The following TNIK variants were observed in gnomAD, a reference collection of about 807,000 sequenced individuals.
TNIK encodes the protein TRAF2 and NCK interacting kinase, also known as TRAF2 and NCK-interacting protein kinase.
Under a neutral mutation model 191.3 loss-of-function variants are expected in TNIK, and 49 were observed. The ratio of observed to expected loss-of-function variants is 0.26; its 90% CI spans 0.20 to 0.32. The LOEUF (loss-of-function observed/expected upper bound fraction) is 0.32. Ranked by LOEUF, TNIK falls within the 10% of genes least tolerant of loss-of-function variation. The pLI is 1.00. For synonymous variants in TNIK, 594 were observed against 600.9 expected (o/e 0.99, Z 0.17); for missense variants, 1,155 against 1,702.3 (o/e 0.68, Z 5.66).
At chr3:171,118,508 T>C (rs1021183944) in intron 18 of TNIK, among the ~76,000 whole-genome samples, 6 of 152,302 alleles carry the variant, frequency 3.9e-5, no homozygotes, top group African/African-American at 1.4e-4. Flanking sequence ...AGAACAAAGC[T>C]GGAGGCATCA....
chr3:171,147,890 G>A (rs1441368036), intron 12 of TNIK, among the ~76,000 whole-genome samples: 1 of 152,144 alleles, frequency 6.6e-6, no homozygotes, highest in East Asian at 1.9e-4. Flanking sequence ...AGAAGCATCT[G>A]TGTGTACAAA....
intron 2 of TNIK, among the ~76,000 whole-genome samples, chr3:171,329,517 G>A (rs1285724823): frequency 6.6e-6 from 1 of 152,092 alleles, no homozygotes; most frequent in African/African-American, 2.4e-5. Flanking sequence ...CATATAAAAT[G>A]AGCATAAAAA....
chr3:171,373,689 G>A (rs946242083), intron 1 of TNIK, among the ~76,000 whole-genome samples: 12 of 152,166 alleles, frequency 7.9e-5, no homozygotes, highest in African/African-American at 2.7e-4. Context: ...TCCCAGCCTT[G>A]TGTTCCATCA....
intron 22 of TNIK, among the ~76,000 whole-genome samples, chr3:171,098,842 T>C (rs16855809): frequency 0.081 from 12,273 of 152,204 alleles, 1,631 homozygotes; most frequent in African/African-American, 0.27. Flanking sequence ...AGGCATGCAA[T>C]CATCACATTG....
intron 2 of TNIK, among the ~76,000 whole-genome samples, chr3:171,277,912 T>C (rs1463452284): frequency 2.6e-5 from 4 of 152,220 alleles, no homozygotes; most frequent in Non-Finnish European, 5.9e-5. Context: ...CACCTGTGGC[T>C]ACTCAACTCA....
intron 2 of TNIK, among the ~76,000 whole-genome samples, chr3:171,297,595 CTT>C (rs1313366388): frequency 6.6e-6 from 1 of 152,266 alleles, no homozygotes; most frequent in East Asian, 1.9e-4. Context: ...ATTGATGTCT[CTT>C]TTATCACTGA....
chr3:171,147,740 C>G (rs952122093), intron 12 of TNIK, among the ~76,000 whole-genome samples: 2 of 152,180 alleles, frequency 1.3e-5, no homozygotes, highest in African/African-American at 4.8e-5. Flanking sequence ...GTAATACTGT[C>G]ATCACCCCCA....
intron 2 of TNIK, among the ~76,000 whole-genome samples, chr3:171,368,011 C>A (rs919466503): frequency 1.3e-5 from 2 of 152,080 alleles, no homozygotes; most frequent in Non-Finnish European, 2.9e-5. Context: ...TGCTAAATAT[C>A]TTCCCTCTCT....
intron 2 of TNIK, among the ~76,000 whole-genome samples, chr3:171,360,278 C>T (rs1339135038): frequency 6.6e-6 from 1 of 152,210 alleles, no homozygotes; most frequent in African/African-American, 2.4e-5. Flanking sequence ...ACATCAACTA[C>T]ACCAAGCAAT....
chr3:171,237,316 A>G (rs1317754884), intron 2 of TNIK, among the ~76,000 whole-genome samples: 1 of 152,194 alleles, frequency 6.6e-6, no homozygotes, highest in African/African-American at 2.4e-5. Context: ...ATTAGGGCCC[A>G]CCAAATCTAA....
At chr3:171,377,332 A>G (rs1577691495) in intron 1 of TNIK, among the ~76,000 whole-genome samples, 1 of 152,050 alleles carries the variant, frequency 6.6e-6, no homozygotes, top group Non-Finnish European at 1.5e-5. Flanking sequence ...GCTTAGTTTC[A>G]CCTGCTAATG....
intron 18 of TNIK, among the ~76,000 whole-genome samples, chr3:171,121,122 A>C (rs1205551153): frequency 6.6e-6 from 1 of 152,204 alleles, no homozygotes; most frequent in Non-Finnish European, 1.5e-5. Flanking sequence ...GAATCACTTC[A>C]AAGAAAAGAC....
At chr3:171,127,894 A>G (rs562933611) in intron 16 of TNIK, among the ~76,000 whole-genome samples, 1 of 152,350 alleles carries the variant, frequency 6.6e-6, no homozygotes, top group Non-Finnish European at 1.5e-5. Context: ...ACACAGGTGG[A>G]TGCCTGGAAG....
At chr3:171,267,633 T>C (rs16856078) in intron 2 of TNIK, among the ~76,000 whole-genome samples, 6,168 of 152,296 alleles carry the variant, frequency 0.041, 356 homozygotes, top group African/African-American at 0.14. Context: ...AATCAGCCTA[T>C]TAATAACATC....
chr3:171,388,632 C>T (rs919743995), intron 1 of TNIK, among the ~76,000 whole-genome samples: 1 of 152,208 alleles, frequency 6.6e-6, no homozygotes, highest in African/African-American at 2.4e-5. Context: ...CACACACTAC[C>T]TTTGTGTTCT....
At chr3:171,432,312 A>G (rs954210490) in intron 1 of TNIK, among the ~76,000 whole-genome samples, 3 of 152,220 alleles carry the variant, frequency 2.0e-5, no homozygotes, top group African/African-American at 7.2e-5. Flanking sequence ...GGTGATAGAG[A>G]GGGAACATAC....
At chr3:171,175,227 G>A (rs1560217646) in intron 9 of TNIK, 25 bp downstream of exon 9, 1 of 1,604,464 alleles carries the variant, frequency 6.2e-7, no homozygotes, top group Admixed American at 1.7e-5. Context: ...CCTTAGATCT[G>A]CGAAACATCG....
chr3:171,137,270 G>C (rs937108922), intron 15 of TNIK, among the ~76,000 whole-genome samples: 1 of 151,284 alleles, frequency 6.6e-6, no homozygotes, highest in Non-Finnish European at 1.5e-5. Flanking sequence ...AAGAAATCTG[G>C]TTCTAGTAAT....
intron 30 of TNIK, 56 bp from the exon 31 acceptor site, chr3:171,066,791 T>C: frequency 1.3e-6 from 2 of 1,553,578 alleles, no homozygotes; most frequent in Non-Finnish European, 1.7e-6. Flanking sequence ...ACACCTTGAC[T>C]ATTCATCTCT....
Sources: gnomAD v4.1 joint callset for allele counts (sites outside exome capture counted in the v4.1 genomes callset) on GRCh38, gnomAD v4.1.1 for gene constraint, MANE v1.5 for transcripts, NCBI Gene and HGNC (gene_info 2026-07-23, HGNC 2026-07-21) for gene names.